Variants in SRCAP observed in about 807,000 individuals in gnomAD.
SRCAP encodes chromatin remodeling protein SRCAP.
SRCAP carries 46 observed loss-of-function variants against 263.1 expected under a neutral mutation model. That is an observed-to-expected ratio of 0.17 (90% CI 0.14 to 0.22). The LOEUF is 0.22. SRCAP is among the 10% of genes least tolerant of loss of function. SRCAP has a pLI of 1.00. For missense variants in SRCAP, 3,695 were observed against 4,181.9 expected, an observed-to-expected ratio of 0.88 and a Z score of 3.21; for synonymous variants, 1,813 against 1,662.1, an observed-to-expected ratio of 1.09 and a Z score of -2.21.
chr16:30,707,731 G>A lies in SRCAP; in HGVS notation c.633+19G>A. The A allele has an allele frequency of 6.2e-7, 1 of 1,613,824 alleles. No homozygotes were observed. ...GGAGAAGGTAGACAGTGGGGATCAG[G>A]AAAGGAAAATGGCCTTGGATTAGAT... On this transcript the variant is annotated intron_variant, in intron 6 of 33. Coordinates refer to ENST00000262518, the MANE Select transcript of SRCAP (RefSeq NM_006662.3).
intron 27 of SRCAP, among the ~76,000 whole-genome samples, chr16:30,732,204 C>T (rs1040299865): frequency 2.0e-5 from 3 of 151,982 alleles, no homozygotes; most frequent in African/African-American, 2.4e-5. Flanking sequence ...GTAATCCCAG[C>T]ACTTTGGGAG....
intron 4 of SRCAP, among the ~76,000 whole-genome samples, chr16:30,706,794 TC>T (rs1436938813): frequency 1.3e-5 from 2 of 152,160 alleles, no homozygotes; most frequent in Non-Finnish European, 2.9e-5. Context: ...AAGTATGTGT[TC>T]CCTACTCCTC....
rs753740381 is a variant in SRCAP at position 30,733,397 on chromosome 16, A to G, written c.6245A>G (p.His2082Arg). Residue 2082 changes from histidine (H) to arginine (R), a missense_variant, in exon 28 of 34, where the codon CAT becomes CGT. This residue lies in a region of SRCAP where 138 missense variants were observed against 254.9 expected (regional missense o/e 0.54). Transcript: ENST00000262518. This position sits in a 1 kb window ranked among gnomAD's most constrained non-coding sequence, Gnocchi z 5.3. ...LDVLEQFLTYHGHLYLRLDGS... is the reference protein window; with the variant it reads ...LDVLEQFLTYRGHLYLRLDGS... Reference sequence around the variant, plus strand: ...GTATTGGAGCAGTTTCTCACCTACCATGGCCATCTCTACCTGCGCCTGGAT... The same window carrying G: ...GTATTGGAGCAGTTTCTCACCTACCGTGGCCATCTCTACCTGCGCCTGGAT... The G allele has an allele frequency of 1.9e-6, 3 of 1,613,996 alleles. No homozygotes were observed. Among genetic ancestry groups the G allele is most frequent in the Admixed American group, 1.7e-5 (1 of 59,998 alleles).
At chr16:30,725,505 C>G (rs768354158) in intron 25 of SRCAP, 1 of 160,070 alleles carries the variant, frequency 6.2e-6, no homozygotes, top group Non-Finnish European at 1.4e-5. Context: ...GAAGGAAGGT[C>G]CAGTGGGTCC....
At position 30,724,271 on chromosome 16, in the gene SRCAP, C is replaced by T; in HGVS notation, c.4847C>T (p.Pro1616Leu). Residue 1616 changes from proline (P) to leucine (L), a missense_variant, in exon 25 of 34, where the codon CCA becomes CTA. Physicochemically the swap from Pro to Leu is moderately conservative, Grantham distance 98. Transcript: ENST00000262518. ...CCTCTTCCGGTCCTGGCACCATCGCCAGGTGCTGCTCCTGTCCTGGCTTCA... is the reference window on the plus strand; with the variant it reads ...CCTCTTCCGGTCCTGGCACCATCGCTAGGTGCTGCTCCTGTCCTGGCTTCA... ...LAPLPVLAPS[P>L]GAAPVLASSQ... is the part of the protein sequence containing the mutation. 1 of 1,614,178 alleles carries T rather than the reference C, an allele frequency of 6.2e-7. No homozygotes were observed. Among genetic ancestry groups the T allele is most frequent in the Non-Finnish European group, 8.5e-7 (1 of 1,180,026 alleles).
intron 18 of SRCAP, 55 bp downstream of exon 18, chr16:30,716,534 A>G (rs2052952584): frequency 1.3e-6 from 2 of 1,506,536 alleles, no homozygotes; most frequent in Non-Finnish European, 1.8e-6. Flanking sequence ...TACTCCAACC[A>G]TGTACCTCTT....
Position 30,704,256 on chromosome 16 carries a change from G to T in SRCAP, c.247G>T (p.Ala83Ser), listed in dbSNP as rs1354548525. The T allele has an allele frequency of 6.2e-7, 1 of 1,613,996 alleles. No individual in the cohort carries two copies. Among genetic ancestry groups the T allele is most frequent in the Admixed American group, 1.7e-5 (1 of 60,020 alleles). Residue 83 changes from alanine to serine, a missense_variant, in exon 4 of 34, where the codon GCT (alanine) becomes TCT (serine). By Grantham distance (99) the Ala-to-Ser change is moderately conservative. Around this residue, in one of 12 missense-constraint regions of SRCAP, gnomAD observed 122 missense variants for 116.9 expected, o/e 1.04. Transcript: ENST00000262518. ...CAGCTTATCCCAGGCTGCTGACCTG[G>T]CTAACAAGGGCCCGAAGTGGGAGAA... ...GFSLSQAADL[A>S]NKGPKWEKSH...
At position 30,712,692 on chromosome 16, in the gene SRCAP, C is replaced by T; in HGVS notation, c.2007C>T (p.Pro669=). The T allele has an allele frequency of 2.5e-6, 4 of 1,613,928 alleles. No individual in the cohort carries two copies. Among genetic ancestry groups the T allele is most frequent in the Non-Finnish European group, 3.4e-6 (4 of 1,179,966 alleles). Residue 669 remains proline, a synonymous_variant, in exon 14 of 34, where the codon CCC becomes CCT. Coordinates refer to ENST00000262518, the MANE Select transcript of SRCAP (RefSeq NM_006662.3). Reference sequence around the variant, plus strand: ...TTTGCCTAACAGGTAACTGGGGTCCCCATTTAATCATTGTTCCCACCAGCG... The same window carrying T: ...TTTGCCTAACAGGTAACTGGGGTCCTCATTTAATCATTGTTCCCACCAGCG... ...HLACEKGNWG[P]HLIIVPTSVM...
At position 30,712,825 on chromosome 16, in the gene SRCAP, T is replaced by C; in HGVS notation, c.2130+10T>C. On this transcript the variant is annotated intron_variant, in intron 14 of 33. Transcript: ENST00000262518. The stretch of plus-strand genomic sequence containing the variant: ...GAAGCTCAAGCGGCAGGTTCGATGT[T>C]TCATGTGGTCACTTTCCTCCCATTG... 6.2e-7 allele frequency: 1 copy of C among 1,613,990 alleles called. No homozygotes were observed. Among genetic ancestry groups the C allele is most frequent in the Non-Finnish European group, 8.5e-7 (1 of 1,179,920 alleles).
rs773494129 is a variant in SRCAP, at chr16:30,739,473, G to A, written c.9433G>A (p.Val3145Ile). ...KLPRKRAGAP[V>I]GGSPGLAKRG... The stretch of plus-strand genomic sequence containing the variant: ...GCCTCGCAAACGAGCAGGGGCCCCA[G>A]TTGGTGGGAGTCCTGGGCTGGCAAA... Residue 3145 changes from valine (V) to isoleucine (I), a missense_variant, in exon 34 of 34, where the codon GTT (valine) becomes ATT (isoleucine). Around this residue, in one of 12 missense-constraint regions of SRCAP, gnomAD observed 1,207 missense variants for 1,142.9 expected, o/e 1.06. Coordinates refer to ENST00000262518, the MANE Select transcript of SRCAP (RefSeq NM_006662.3). 6.2e-7 allele frequency: 1 copy of A among 1,614,074 alleles called. No homozygotes were observed. The highest frequency in any genetic ancestry group is 8.5e-7 in the Non-Finnish European group (1 of 1,180,010).
In SRCAP at chr16:30,729,737, G is replaced by A. The variant is rs74352781; in HGVS notation, c.6127+165G>A. Among the ~76,000 whole-genome samples the A allele has an allele frequency of 0.013, 1,935 of 152,256 alleles. 36 individuals carry two copies. Among genetic ancestry groups the A allele is most frequent in the African/African-American group, 0.042 (1,754 of 41,538 alleles). Reference sequence around the variant, plus strand: ...GGCAAGATAGAGAAATGTAAGCCTTGTTAGATTCTTGACATTCATAAATAT... The same window carrying A: ...GGCAAGATAGAGAAATGTAAGCCTTATTAGATTCTTGACATTCATAAATAT... On this transcript the variant is annotated intron_variant, in intron 27 of 33. Coordinates refer to ENST00000262518, the MANE Select transcript of SRCAP (RefSeq NM_006662.3).
Position 30,733,453 on chromosome 16 carries a change from A to C in SRCAP, c.6297+4A>C. 1.2e-6 allele frequency: 2 copies of C among 1,614,046 alleles called. No individual in the cohort carries two copies. The highest frequency in any genetic ancestry group is 2.7e-5 in the African/African-American group (2 of 75,014). ...TACTAGAGTTGAACAGAGACAGGTAACCCAGGTTTCTGCAGCTCTTAGAGG... is the reference window on the plus strand; with the variant it reads ...TACTAGAGTTGAACAGAGACAGGTACCCCAGGTTTCTGCAGCTCTTAGAGG... On this transcript the variant is annotated splice_donor_region_variant and intron_variant, in intron 28 of 33. Coordinates refer to ENST00000262518, the MANE Select transcript of SRCAP (RefSeq NM_006662.3). The surrounding 1 kb of genome is among the most constrained non-coding windows in gnomAD (Gnocchi z 5.3).
rs2053213852 is a variant in SRCAP at position 30,740,515 on chromosome 16, C to T, written c.*782C>T. 3 of 152,292 alleles carry T rather than the reference C, an allele frequency of 2.0e-5. No homozygotes were observed. Among genetic ancestry groups the T allele is most frequent in the Admixed American group, 2.0e-4 (3 of 15,274 alleles). 9.4% of individuals were successfully genotyped at this position (152,292 alleles called of 1,614,324 possible). A position where few individuals can be genotyped will look rare whatever the true frequency, so the allele number is the denominator to read the frequency against. ...GCTCCATCCCTTGGGCCCTCCCCTG[C>T]TCTTCATCTAGCCAAACTGGTTTGA... On this transcript the variant is annotated 3_prime_UTR_variant, in exon 34 of 34. Transcript: ENST00000262518.
At position 30,710,788 on chromosome 16, in the gene SRCAP, A is replaced by G. The variant is rs760506206; in HGVS notation, c.1169A>G (p.Asn390Ser). The G allele has an allele frequency of 1.2e-6, 2 of 1,614,166 alleles. No individual in the cohort carries two copies. The highest frequency in any genetic ancestry group is 1.1e-5 in the South Asian group (1 of 91,080). ...CCACCCTCTGCTGTCACACAGCGCA[A>G]CAAACAGCCTTGGCATCCAGATGAA... is the stretch of plus-strand genomic sequence containing the variant. The part of the protein sequence containing the change: ...KPPPSAVTQR[N>S]KQPWHPDEDD... Residue 390 changes from asparagine (N) to serine (S), a missense_variant, in exon 9 of 34, where the codon AAC (asparagine) becomes AGC (serine). Around this residue, in one of 12 missense-constraint regions of SRCAP, gnomAD observed 288 missense variants for 302.4 expected, o/e 0.95. Coordinates refer to ENST00000262518, the MANE Select transcript of SRCAP (RefSeq NM_006662.3).
intron 18 of SRCAP, among the ~76,000 whole-genome samples, chr16:30,717,585 C>T (rs1029671873): frequency 2.0e-5 from 3 of 148,800 alleles, no homozygotes; most frequent in African/African-American, 7.4e-5. Flanking sequence ...TAGCTGGGAC[C>T]ACGGGTATGC....
chr16:30,716,807 G>A (rs1480709354), intron 18 of SRCAP, among the ~76,000 whole-genome samples: 2 of 152,190 alleles, frequency 1.3e-5, no homozygotes, highest in Non-Finnish European at 2.9e-5. Flanking sequence ...GGGTTTGTTG[G>A]AATGTAACCT....
intron 27 of SRCAP, among the ~76,000 whole-genome samples, chr16:30,732,472 G>A (rs912554384): frequency 2.0e-5 from 3 of 151,886 alleles, no homozygotes; most frequent in Non-Finnish European, 4.4e-5. Flanking sequence ...AAAGGAAAAG[G>A]AAAAAAATAA....
At chr16:30,728,840 C>G (rs560343513) in intron 25 of SRCAP, 126 bp from the exon 26 acceptor site, 3 of 1,184,722 alleles carry the variant, frequency 2.5e-6, no homozygotes, top group Non-Finnish European at 3.4e-6. Flanking sequence ...TGGAAAACTA[C>G]AAAAAGCATA....
At position 30,712,011 on chromosome 16, in the gene SRCAP, A is replaced by G. The variant is rs2052897862; in HGVS notation, c.1669A>G (p.Arg557Gly). Residue 557 changes from arginine (R) to glycine (G), a missense_variant, in exon 12 of 34, where the codon AGG becomes GGG. This residue lies in a region of SRCAP where 288 missense variants were observed against 302.4 expected (regional missense o/e 0.95). Transcript: ENST00000262518. ...DDFGVEYLLARDEEQSEADAG... is the reference protein window; with the variant it reads ...DDFGVEYLLAGDEEQSEADAG... Reference sequence around the variant, plus strand: ...TTTTGGGGTGGAGTACTTGCTTGCCAGGGATGAAGAGCAGAGTGAGGCAGA... The same window carrying G: ...TTTTGGGGTGGAGTACTTGCTTGCCGGGGATGAAGAGCAGAGTGAGGCAGA... 6.2e-7 allele frequency: 1 copy of G among 1,614,052 alleles called. No homozygotes were observed. The highest frequency in any genetic ancestry group is 8.5e-7 in the Non-Finnish European group (1 of 1,180,014).
Sources: gnomAD v4.1 joint callset for allele counts (sites outside exome capture counted in the v4.1 genomes callset) on GRCh38, gnomAD v4.1.1 for gene constraint, gnomAD v4.1.1 regional missense constraint, Gnocchi (gnomAD v3.1) non-coding constraint, MANE v1.5 for transcripts, NCBI Gene and HGNC (gene_info 2026-07-23, HGNC 2026-07-21) for gene names.